Variants in GALNT13 observed in about 807,000 individuals in gnomAD.
The protein encoded by GALNT13 is UDP-GalNAc:polypeptide N-acetylgalactosaminyltransferase 13.
In GALNT13, 28 loss-of-function variants were observed where a neutral mutation model predicts 64.2. The observed-to-expected ratio is 0.44, with a 90% CI of 0.32 to 0.60. The LOEUF is 0.60. Among genes scored for constraint, GALNT13 ranks in the 20% least tolerant of loss-of-function variants. The probability of loss-of-function intolerance (pLI) is 0.05; values close to 1 mark genes in which losing one functional copy is unlikely to be tolerated. For synonymous variants in GALNT13, 214 were observed against 224.6 expected (o/e 0.95, Z 0.42); for missense variants, 577 against 669.8 (o/e 0.86, Z 1.53).
chr2:153,119,666 A>G, the GALNT13 span, among the ~76,000 whole-genome samples: 1 of 152,212 alleles, frequency 6.6e-6, no homozygotes, highest in Non-Finnish European at 1.5e-5. Context: ...GTGACAAGCC[A>G]TGTTGCCTAT....
In GALNT13 at chr2:154,282,607, C is replaced by T. The variant is rs185002119; in HGVS notation, c.976-18802C>T. Among the ~76,000 whole-genome samples the T allele has an allele frequency of 2.1e-3, 326 of 152,194 alleles. 1 individual carries two copies. The highest frequency in any genetic ancestry group is 3.9e-3 in the Non-Finnish European group (265 of 67,982). On this transcript the variant is annotated intron_variant, in intron 8 of 12. Coordinates refer to ENST00000392825, the MANE Select transcript of GALNT13 (RefSeq NM_052917.4). Reference sequence around the variant, plus strand: ...ACTCTCCAGATTAAATGACTTGTTCCAAATTCTACAATCAGTTTGTGTCTA... The same window carrying T: ...ACTCTCCAGATTAAATGACTTGTTCTAAATTCTACAATCAGTTTGTGTCTA...
the GALNT13 span, among the ~76,000 whole-genome samples, chr2:153,240,909 C>T: frequency 6.6e-6 from 1 of 152,222 alleles, no homozygotes; most frequent in African/African-American, 2.4e-5. Context: ...TCAGATCCTT[C>T]AGGGTTTTCA....
At chr2:154,437,422 T>C in intron 11 of GALNT13, 1 of 637,344 alleles carries the variant, frequency 1.6e-6, no homozygotes, top group African/African-American at 2.0e-5. Flanking sequence ...CAGATATCTT[T>C]GAGAAACAAA....
At chr2:153,212,362 TTTAA>T in the GALNT13 span, among the ~76,000 whole-genome samples, 1 of 152,218 alleles carries the variant, frequency 6.6e-6, no homozygotes, top group African/African-American at 2.4e-5. Flanking sequence ...TGTCTAATTC[TTTAA>T]TTATTCTACA....
the GALNT13 span, chr2:153,478,813 G>T: frequency 1.8e-5 from 8 of 447,986 alleles, no homozygotes; most frequent in Non-Finnish European, 3.2e-5. Flanking sequence ...GCTCGCTCGA[G>T]GGGGGGCTGT....
At chr2:154,243,969 C>G (rs1447261386) in intron 6 of GALNT13, among the ~76,000 whole-genome samples, 4 of 152,100 alleles carry the variant, frequency 2.6e-5, no homozygotes, top group Non-Finnish European at 5.9e-5. Flanking sequence ...CCTTTTAGTC[C>G]ATAGAGTGTT....
the GALNT13 span, among the ~76,000 whole-genome samples, chr2:153,551,411 G>A: frequency 1.3e-5 from 2 of 152,180 alleles, no homozygotes; most frequent in African/African-American, 2.4e-5. Context: ...TGAATAGACC[G>A]TATGGAGACC....
At chr2:153,245,330 G>A in the GALNT13 span, among the ~76,000 whole-genome samples, 3 of 152,236 alleles carry the variant, frequency 2.0e-5, no homozygotes, top group South Asian at 6.2e-4. Flanking sequence ...TGACACCTGT[G>A]CCTCTTGACT....
intron 4 of GALNT13, among the ~76,000 whole-genome samples, chr2:154,213,614 G>GA (rs550431968): frequency 0.075 from 10,335 of 137,372 alleles, 393 homozygotes; most frequent in Middle Eastern, 0.13. Flanking sequence ...CTTAGAGAGT[G>GA]AAAAAAAAAA....
chr2:153,164,124 T>C, the GALNT13 span, among the ~76,000 whole-genome samples: 1 of 152,150 alleles, frequency 6.6e-6, no homozygotes. Flanking sequence ...GATAAGTCAG[T>C]TTTATTTCTT....
At chr2:153,074,971 G>A in the GALNT13 span, among the ~76,000 whole-genome samples, 1 of 152,078 alleles carries the variant, frequency 6.6e-6, no homozygotes, top group East Asian at 1.9e-4. Flanking sequence ...GGCATCAAGT[G>A]ATCTTTCCAC....
chr2:153,635,443 C>CATATATATGTATATATATATATAT, the GALNT13 span, among the ~76,000 whole-genome samples: 1 of 144,520 alleles, frequency 6.9e-6, no homozygotes, highest in Non-Finnish European at 1.5e-5. Flanking sequence ...TATATATACA[C>CATATATATGTATATATATATATAT]ACATATATAT....
chr2:153,855,573 CA>C, the GALNT13 span, among the ~76,000 whole-genome samples: 1 of 152,070 alleles, frequency 6.6e-6, no homozygotes, highest in Non-Finnish European at 1.5e-5. Context: ...TGGCTATAAT[CA>C]AAAGGACATC....
chr2:153,555,737 C>T, the GALNT13 span, among the ~76,000 whole-genome samples: 1 of 152,122 alleles, frequency 6.6e-6, no homozygotes, highest in East Asian at 1.9e-4. Context: ...AGAGTCCATG[C>T]TCTTAATTGC....
At chr2:153,286,648 A>G in the GALNT13 span, among the ~76,000 whole-genome samples, 6 of 152,224 alleles carry the variant, frequency 3.9e-5, no homozygotes, top group Admixed American at 3.9e-4. Flanking sequence ...TGCACTTCAG[A>G]ATATGAACAA....
At chr2:153,478,666 A>C in the GALNT13 span, 1 of 952,840 alleles carries the variant, frequency 1.0e-6, no homozygotes. Flanking sequence ...CTCGCAGACT[A>C]GCGCGTGCGA....
In GALNT13 at chr2:154,011,779, T is replaced by A. The variant is rs555854356; in HGVS notation, c.142+67140T>A. Among the ~76,000 whole-genome samples, 10 of 152,308 alleles carry A rather than the reference T, an allele frequency of 6.6e-5. No homozygotes were observed. In the East Asian group the frequency reaches 1.9e-3, roughly 29 times the overall value. On this transcript the variant is annotated intron_variant, in intron 3 of 12. Coordinates refer to ENST00000392825, the MANE Select transcript of GALNT13 (RefSeq NM_052917.4). ...TTGGGTGCATATATATTTAGGATAGTTAGGTCTTCTTGTTGAATTGAATTA... is the reference window on the plus strand; with the variant it reads ...TTGGGTGCATATATATTTAGGATAGATAGGTCTTCTTGTTGAATTGAATTA...
At chr2:154,100,717 C>G (rs1222317616) in intron 3 of GALNT13, among the ~76,000 whole-genome samples, 1 of 152,036 alleles carries the variant, frequency 6.6e-6, no homozygotes, top group Non-Finnish European at 1.5e-5. Context: ...CCTGATTGCT[C>G]TGGTTAGGAA....
At chr2:154,205,115 G>A (rs1687371527) in intron 4 of GALNT13, among the ~76,000 whole-genome samples, 1 of 152,192 alleles carries the variant, frequency 6.6e-6, no homozygotes, top group Middle Eastern at 3.4e-3. Context: ...ATTCATCTGA[G>A]TGTTCCCTTG....
Sources: allele counts gnomAD v4.1 joint callset (sites outside exome capture counted in the v4.1 genomes callset), GRCh38; gene constraint gnomAD v4.1.1; transcripts MANE v1.5; gene names NCBI Gene and HGNC (gene_info 2026-07-23, HGNC 2026-07-21).